KCNH1: variants seen among roughly 807,000 people sequenced by gnomAD.
The protein encoded by KCNH1 is potassium voltage-gated channel subfamily H member 1.
In KCNH1, 27 loss-of-function variants were observed where a neutral mutation model predicts 69.2. The ratio of observed to expected loss-of-function variants is 0.39; its 90% CI spans 0.29 to 0.54. The LOEUF is 0.54. KCNH1 is among the 20% of genes least tolerant of loss of function. KCNH1 has a pLI of 0.68. For missense variants in KCNH1, 798 were observed against 1,261.6 expected, an observed-to-expected ratio of 0.63 and a Z score of 5.57; for synonymous variants, 456 against 487.7, an observed-to-expected ratio of 0.93 and a Z score of 0.86.
At chr1:210,855,669 T>C (rs1291868822) in intron 7 of KCNH1, among the ~76,000 whole-genome samples, 2 of 152,216 alleles carry the variant, frequency 1.3e-5, no homozygotes, top group African/African-American at 4.8e-5. Flanking sequence ...GCTCATGTGC[T>C]ATTTGGGGTC....
chr1:210,844,096 T>A (rs116034582), intron 7 of KCNH1, among the ~76,000 whole-genome samples: 2,803 of 152,294 alleles, frequency 0.018, 85 homozygotes, highest in African/African-American at 0.063. Context: ...CAAGTTACAA[T>A]TCCTTTTTTG....
intron 6 of KCNH1, among the ~76,000 whole-genome samples, chr1:210,967,725 A>G (rs574198414): frequency 6.6e-6 from 1 of 152,188 alleles, no homozygotes; most frequent in African/African-American, 2.4e-5. Flanking sequence ...ATATCCTTTC[A>G]CTTAATTTTT....
chr1:210,953,922 G>A (rs565068874), intron 6 of KCNH1, among the ~76,000 whole-genome samples: 177 of 151,902 alleles, frequency 1.2e-3, no homozygotes, highest in African/African-American at 3.9e-3. Context: ...TTATACTTTC[G>A]GTTCTAGGGT....
chr1:211,077,290 C>T (rs1352948446), intron 5 of KCNH1, among the ~76,000 whole-genome samples: 5 of 151,982 alleles, frequency 3.3e-5, no homozygotes, highest in African/African-American at 1.2e-4. Context: ...ACAGCGACCC[C>T]AAGATACATG....
intron 7 of KCNH1, among the ~76,000 whole-genome samples, chr1:210,876,506 T>C (rs1179548770): frequency 6.6e-6 from 1 of 152,166 alleles, no homozygotes; most frequent in Non-Finnish European, 1.5e-5. Flanking sequence ...GGACAGGTTA[T>C]GACATATTCC....
chr1:211,102,339 C>T (rs1313143484), intron 3 of KCNH1, among the ~76,000 whole-genome samples: 3 of 152,166 alleles, frequency 2.0e-5, no homozygotes, highest in Non-Finnish European at 2.9e-5. Flanking sequence ...GCTTCTGGTA[C>T]GAGCTGTTGC....
intron 7 of KCNH1, among the ~76,000 whole-genome samples, chr1:210,886,484 C>G (rs141216121): frequency 0.013 from 1,903 of 152,138 alleles, 45 homozygotes; most frequent in African/African-American, 0.043. Context: ...CAGAATGCTT[C>G]TTCTCCTCCA....
At chr1:210,930,345 C>T (rs1687657522) in intron 6 of KCNH1, among the ~76,000 whole-genome samples, 1 of 152,106 alleles carries the variant, frequency 6.6e-6, no homozygotes, top group South Asian at 2.1e-4. Flanking sequence ...AGCACATAGA[C>T]CAATGGAATA....
chr1:210,938,463 T>C (rs1687818145), intron 6 of KCNH1, among the ~76,000 whole-genome samples: 1 of 152,220 alleles, frequency 6.6e-6, no homozygotes, highest in Non-Finnish European at 1.5e-5. Context: ...AATAAAAGTT[T>C]AGAAATACAA....
At chr1:210,897,148 C>T (rs1465520201) in intron 7 of KCNH1, among the ~76,000 whole-genome samples, 1 of 152,176 alleles carries the variant, frequency 6.6e-6, no homozygotes, top group Non-Finnish European at 1.5e-5. Flanking sequence ...CAAAGGGCAA[C>T]ATAACCACAG....
chr1:211,113,568 A>G (rs971434530), intron 1 of KCNH1, among the ~76,000 whole-genome samples: 2 of 152,204 alleles, frequency 1.3e-5, no homozygotes, highest in African/African-American at 2.4e-5. Flanking sequence ...AGGAGAAGGA[A>G]CAGGGGAGAA....
chr1:210,738,025 ATATG>A (rs1314136159), intron 10 of KCNH1, among the ~76,000 whole-genome samples: 1 of 152,288 alleles, frequency 6.6e-6, no homozygotes, highest in East Asian at 1.9e-4. Flanking sequence ...TTGGCCTGTA[ATATG>A]TATCAGTTCT....
intron 6 of KCNH1, among the ~76,000 whole-genome samples, chr1:210,934,475 C>A (rs954457477): frequency 1.3e-5 from 2 of 152,038 alleles, no homozygotes; most frequent in African/African-American, 2.4e-5. Flanking sequence ...CAATATGATA[C>A]CAAAAATACA....
At chr1:210,909,099 A>T (rs3927759) in intron 7 of KCNH1, among the ~76,000 whole-genome samples, 1 of 152,228 alleles carries the variant, frequency 6.6e-6, no homozygotes, top group African/African-American at 2.4e-5. Context: ...CACAATGGGG[A>T]AAAGCGAAAA....
At chr1:210,873,330 A>T (rs1686290870) in intron 7 of KCNH1, among the ~76,000 whole-genome samples, 1 of 152,070 alleles carries the variant, frequency 6.6e-6, no homozygotes, top group Non-Finnish European at 1.5e-5. Context: ...TCTTTTAAAA[A>T]ATTTTTATAT....
At chr1:210,732,597 T>C (rs1298287552) in intron 10 of KCNH1, among the ~76,000 whole-genome samples, 2 of 152,170 alleles carry the variant, frequency 1.3e-5, no homozygotes, top group Admixed American at 1.3e-4. Flanking sequence ...TCTTAGTCCA[T>C]TGGGGTGCTA....
chr1:211,045,771 A>G (rs1227893632), intron 5 of KCNH1, among the ~76,000 whole-genome samples: 2 of 152,210 alleles, frequency 1.3e-5, no homozygotes, highest in Non-Finnish European at 2.9e-5. Context: ...ATGCTATACT[A>G]TATATCTCTA....
chr1:211,037,146 C>T (rs184355317), intron 5 of KCNH1, among the ~76,000 whole-genome samples: 72 of 152,286 alleles, frequency 4.7e-4, no homozygotes, highest in Admixed American at 4.3e-3. Flanking sequence ...CTTATAACCA[C>T]CCTGTGAGGG....
At chr1:210,828,768 T>C (rs1685091038) in intron 7 of KCNH1, among the ~76,000 whole-genome samples, 1 of 152,208 alleles carries the variant, frequency 6.6e-6, no homozygotes, top group South Asian at 2.1e-4. Context: ...AAAAGATCCC[T>C]GGGGCTCCAC....
Sources: gnomAD v4.1 joint callset for allele counts (sites outside exome capture counted in the v4.1 genomes callset) on GRCh38, gnomAD v4.1.1 for gene constraint, MANE v1.5 for transcripts, NCBI Gene and HGNC (gene_info 2026-07-23, HGNC 2026-07-21) for gene names.